The following ST6GALNAC3 variants were observed in gnomAD, a reference collection of about 807,000 sequenced individuals.
The protein encoded by ST6GALNAC3 is ST6 N-acetylgalactosaminide alpha-2,6-sialyltransferase 3.
Under a neutral mutation model 32.7 loss-of-function variants are expected in ST6GALNAC3, and 25 were observed. The ratio of observed to expected loss-of-function variants is 0.76; its 90% CI spans 0.56 to 1.07. The LOEUF is 1.07. Among genes scored for constraint, ST6GALNAC3 ranks in the 50% least tolerant of loss-of-function variants. ST6GALNAC3 has a pLI of 0.00. For missense variants in ST6GALNAC3, 355 were observed against 382.4 expected (o/e 0.93, Z 0.60); for synonymous variants, 129 against 133.1 (o/e 0.97, Z 0.21).
intron 3 of ST6GALNAC3, among the ~76,000 whole-genome samples, chr1:76,452,146 T>G (rs1657451740): frequency 6.6e-6 from 1 of 152,150 alleles, no homozygotes; most frequent in African/African-American, 2.4e-5. Context: ...TGGGAGGTAA[T>G]TGAATCATGG....
At chr1:76,520,276 G>A (rs1662431777) in intron 3 of ST6GALNAC3, among the ~76,000 whole-genome samples, 1 of 152,146 alleles carries the variant, frequency 6.6e-6, no homozygotes, top group African/African-American at 2.4e-5. Context: ...CAAGGGAAGA[G>A]AGACACATAA....
intron 1 of ST6GALNAC3, among the ~76,000 whole-genome samples, chr1:76,158,937 G>A (rs912920973): frequency 1.3e-5 from 2 of 152,164 alleles, no homozygotes; most frequent in Non-Finnish European, 2.9e-5. Flanking sequence ...AGCTGGCAAG[G>A]GACTGAGCCA....
chr1:76,152,158 G>T (rs1651084919), intron 1 of ST6GALNAC3, among the ~76,000 whole-genome samples: 1 of 152,174 alleles, frequency 6.6e-6, no homozygotes, highest in East Asian at 1.9e-4. Flanking sequence ...TGTAAATAAA[G>T]TCTCCTAGGA....
intron 1 of ST6GALNAC3, among the ~76,000 whole-genome samples, chr1:76,128,777 G>A (rs1649417295): frequency 6.6e-6 from 1 of 152,182 alleles, no homozygotes; most frequent in African/African-American, 2.4e-5. Flanking sequence ...AGATGATCAG[G>A]CCTCCCTGGT....
At position 76,597,123 on chromosome 1, in the gene ST6GALNAC3, A is replaced by G. The variant is rs535535873; in HGVS notation, c.624-30329A>G. The stretch of plus-strand genomic sequence containing the variant: ...TACTGAGTAGCTTCCCCGTTGATCA[A>G]TGTTAGGAAGCTTGCTAATGACACT... On this transcript the variant is annotated intron_variant, in intron 3 of 4. Transcript: ENST00000328299. Among the ~76,000 whole-genome samples, 75 of 152,242 alleles carry G rather than the reference A, an allele frequency of 4.9e-4. 1 individual carries two copies. Among genetic ancestry groups the G allele is most frequent in the Non-Finnish European group, 9.0e-4 (61 of 68,026 alleles).
chr1:76,416,785 G>C (rs1455011306), intron 3 of ST6GALNAC3, among the ~76,000 whole-genome samples: 1 of 151,854 alleles, frequency 6.6e-6, no homozygotes, highest in African/African-American at 2.4e-5. Flanking sequence ...GCACCACCAT[G>C]CCTGGCTAAT....
chr1:76,232,983 A>G (rs547469337), intron 1 of ST6GALNAC3, among the ~76,000 whole-genome samples: 1 of 152,272 alleles, frequency 6.6e-6, no homozygotes, highest in African/African-American at 2.4e-5. Context: ...TAACCTCATC[A>G]AGTCTCTGAG....
At chr1:76,216,919 G>GA (rs1162880940) in intron 1 of ST6GALNAC3, among the ~76,000 whole-genome samples, 1 of 151,726 alleles carries the variant, frequency 6.6e-6, no homozygotes, top group Non-Finnish European at 1.5e-5. Flanking sequence ...ATCTTGTTCG[G>GA]AAAAAAAATA....
Position 76,389,011 on chromosome 1 carries a change from C to CTTTTTTTTTTTTTTTTTTTTTTTT in ST6GALNAC3, c.214-22997_214-22996insTTTTTTTTTTTTTTTTTTTTTTTT, listed in dbSNP as rs138986165. ...GGTGTGGTTGTTAGTTGGTATATTTCCTTTTTTTTTTTTTTTTGAGACAGA... is the reference window on the plus strand; with the variant it reads ...GGTGTGGTTGTTAGTTGGTATATTTCTTTTTTTTTTTTTTTTTTTTTTTTCTTTTTTTTTTTTTTTTGAGACAGA... On this transcript the variant is annotated intron_variant, in intron 2 of 4. Coordinates refer to ENST00000328299, the MANE Select transcript of ST6GALNAC3 (RefSeq NM_152996.4). Among the ~76,000 whole-genome samples, 4 of 107,910 alleles carry CTTTTTTTTTTTTTTTTTTTTTTTT rather than the reference C, an allele frequency of 3.7e-5. 2 individuals carry two copies. The highest frequency in any genetic ancestry group is 3.6e-5 in the Non-Finnish European group (2 of 56,182). The allele number at this position is 107,910 out of a possible 152,430, so 70.8% of individuals were successfully genotyped here.
chr1:76,522,908 C>T (rs1662637679), intron 3 of ST6GALNAC3, among the ~76,000 whole-genome samples: 2 of 152,188 alleles, frequency 1.3e-5, no homozygotes, highest in Admixed American at 1.3e-4. Context: ...ACTCCTCTTT[C>T]AGCTTCTCGG....
chr1:76,591,090 T>A (rs1436838435), intron 3 of ST6GALNAC3, among the ~76,000 whole-genome samples: 1 of 152,186 alleles, frequency 6.6e-6, no homozygotes, highest in African/African-American at 2.4e-5. Flanking sequence ...AGACTGCACT[T>A]AATCTGTGAT....
intron 1 of ST6GALNAC3, among the ~76,000 whole-genome samples, chr1:76,144,133 A>AG (rs34712414): frequency 1.8e-5 from 2 of 112,034 alleles, no homozygotes; most frequent in African/African-American, 6.9e-5. Flanking sequence ...TTCACCACTA[A>AG]AACCTCATGA....
intron 3 of ST6GALNAC3, among the ~76,000 whole-genome samples, chr1:76,511,974 C>T (rs2101759516): frequency 6.6e-6 from 1 of 152,228 alleles, no homozygotes; most frequent in East Asian, 1.9e-4. Context: ...CTTTGGACCT[C>T]TGTGTGTCAT....
chr1:76,306,686 C>G (rs201442807), intron 1 of ST6GALNAC3, among the ~76,000 whole-genome samples: 527 of 13,788 alleles, frequency 0.038, 4 homozygotes, highest in Admixed American at 0.1. Context: ...TTTTGGGGGG[C>G]GGGGGGTGCA....
intron 3 of ST6GALNAC3, among the ~76,000 whole-genome samples, chr1:76,626,140 A>T (rs1443235929): frequency 6.6e-6 from 1 of 151,868 alleles, no homozygotes; most frequent in Non-Finnish European, 1.5e-5. Context: ...TAATTATAGC[A>T]CACTGATGGC....
intron 3 of ST6GALNAC3, among the ~76,000 whole-genome samples, chr1:76,438,003 C>T (rs931321377): frequency 1.3e-5 from 2 of 149,106 alleles, no homozygotes; most frequent in African/African-American, 5.1e-5. Flanking sequence ...CACAGGTTCT[C>T]AATAAGTATT....
In ST6GALNAC3 at chr1:76,495,351, T is replaced by C. The variant is rs60793320; in HGVS notation, c.623+82934T>C. Among the ~76,000 whole-genome samples, 331 of 152,248 alleles carry C rather than the reference T, an allele frequency of 2.2e-3. 2 individuals carry two copies. Among genetic ancestry groups the C allele is most frequent in the African/African-American group, 7.6e-3 (314 of 41,572 alleles). On this transcript the variant is annotated intron_variant, in intron 3 of 4. Transcript: ENST00000328299. ...GTTGCAAATGAATCAGGCAGATATT[T>C]AAGGGTAGGATTTCTTGTTCTGTTG...
intron 3 of ST6GALNAC3, among the ~76,000 whole-genome samples, chr1:76,485,514 G>T (rs1329583263): frequency 1.9e-4 from 29 of 152,296 alleles, no homozygotes; most frequent in Non-Finnish European, 3.4e-4. Context: ...TTGCATAGAG[G>T]TGTTTATAAT....
intron 3 of ST6GALNAC3, among the ~76,000 whole-genome samples, chr1:76,477,905 A>T (rs1390996638): frequency 6.6e-6 from 1 of 152,156 alleles, no homozygotes; most frequent in East Asian, 1.9e-4. Context: ...TTACTCTTTC[A>T]TGGGCTCTGT....
Sources: allele counts gnomAD v4.1 joint callset (sites outside exome capture counted in the v4.1 genomes callset), GRCh38; gene constraint gnomAD v4.1.1; transcripts MANE v1.5; gene names NCBI Gene and HGNC (gene_info 2026-07-23, HGNC 2026-07-21).